ALS2: variants seen among roughly 807,000 people sequenced by gnomAD.
The protein encoded by ALS2 is alsin Rho guanine nucleotide exchange factor ALS2.
A neutral mutation model predicts 203.4 loss-of-function variants in ALS2; 117 were observed. The ratio of observed to expected loss-of-function variants is 0.58; its 90% CI spans 0.50 to 0.67. ALS2 has a LOEUF of 0.67. ALS2 is among the 30% of genes least tolerant of loss of function. The pLI is 0.00. For missense variants in ALS2, 1,715 were observed against 1,989.4 expected (o/e 0.86, Z 2.62); for synonymous variants, 718 against 725.9 (o/e 0.99, Z 0.17).
chr2:201,768,642 G>C (rs1310452259), intron 2 of ALS2, among the ~76,000 whole-genome samples: 1 of 152,148 alleles, frequency 6.6e-6, no homozygotes, highest in East Asian at 1.9e-4. Flanking sequence ...ATGGCTACAA[G>C]CACTTTAAAA....
At chr2:201,727,865 T>C (rs985276420) in intron 15 of ALS2, 90 bp from the exon 16 acceptor site, 5 of 1,235,346 alleles carry the variant, frequency 4.0e-6, no homozygotes. Context: ...TTAACCCACA[T>C]GGGCCTTGCA....
At chr2:201,760,297 C>T in intron 4 of ALS2, 1 of 965,722 alleles carries the variant, frequency 1.0e-6, no homozygotes, top group Non-Finnish European at 1.2e-6. Context: ...GGTGACAGAG[C>T]AAGACCCCAT....
At chr2:201,767,103 T>C in intron 3 of ALS2, 126 bp downstream of exon 3, 2 of 1,113,690 alleles carry the variant, frequency 1.8e-6, no homozygotes, top group Non-Finnish European at 2.5e-6. Context: ...AATAATAAAA[T>C]TTAAAAAAAA....
intron 6 of ALS2, among the ~76,000 whole-genome samples, chr2:201,754,281 A>G (rs749219486): frequency 6.6e-6 from 1 of 152,138 alleles, no homozygotes; most frequent in Admixed American, 6.6e-5. Context: ...CCAAAGCACT[A>G]GGATTAAAGG....
At chr2:201,731,006 G>T (rs1574717518) in intron 13 of ALS2, among the ~76,000 whole-genome samples, 1 of 152,174 alleles carries the variant, frequency 6.6e-6, no homozygotes, top group African/African-American at 2.4e-5. Context: ...AATAGTCTTT[G>T]GAAGCCCCAG....
intron 23 of ALS2, chr2:201,719,945 G>T (rs532718142): frequency 5.6e-5 from 14 of 250,084 alleles, no homozygotes; most frequent in Non-Finnish European, 1.0e-4. Flanking sequence ...TAGACCTAAG[G>T]CAAGTAAAGA....
chr2:201,729,879 CAAAAAAAAAAAAA>C (rs35065446), intron 13 of ALS2, among the ~76,000 whole-genome samples: 1 of 75,218 alleles, frequency 1.3e-5, no homozygotes, highest in Non-Finnish European at 2.4e-5. Context: ...GACTCCGTCT[CAAAAAAAAAAAAA>C]AAAAAAAAAA....
intron 12 of ALS2, among the ~76,000 whole-genome samples, chr2:201,735,003 T>TA (rs1161537532): frequency 2.0e-5 from 3 of 152,188 alleles, no homozygotes; most frequent in African/African-American, 4.8e-5. Context: ...AATGTGTACA[T>TA]ACAAGAGAAT....
rs770366778 is a variant in ALS2, at chr2:201,705,178, G to A, written c.4649C>T (p.Ala1550Val). 1.2e-6 allele frequency: 2 copies of A among 1,614,126 alleles called. No homozygotes were observed. The highest frequency in any genetic ancestry group is 1.7e-5 in the Admixed American group (1 of 60,022). Residue 1550 changes from alanine (A) to valine (V), a missense_variant, in exon 31 of 34, where the codon GCT (alanine) becomes GTT (valine). Ala to Val is a moderately conservative substitution (Grantham distance 64). Around this residue, in one of 3 missense-constraint regions of ALS2, gnomAD observed 1,227 missense variants for 1,413.5 expected, o/e 0.87. Coordinates refer to ENST00000264276, the MANE Select transcript of ALS2 (RefSeq NM_020919.4). Reference protein sequence around the residue: ...SKKVLPTTKDACFASAVECLQ... With the variant: ...SKKVLPTTKDVCFASAVECLQ... ...ACATTCTACTGCTGAGGCAAAACAA[G>A]CATCTTTCGTGGTTGGCAAAACCTG...
At position 201,724,404 on chromosome 2, in the gene ALS2, G is replaced by C; in HGVS notation, c.3403C>G (p.His1135Asp). The C allele has an allele frequency of 6.2e-7, 1 of 1,613,918 alleles. No individual in the cohort carries two copies. Among genetic ancestry groups the C allele is most frequent in the Non-Finnish European group, 8.5e-7 (1 of 1,179,864 alleles). Residue 1135 changes from histidine (H) to aspartate (D), a missense_variant, in exon 21 of 34, where the codon CAT becomes GAT. By Grantham distance (81) the His-to-Asp change is moderately conservative. This residue lies in a region of ALS2 where 1,227 missense variants were observed against 1,413.5 expected (regional missense o/e 0.87). Coordinates refer to ENST00000264276, the MANE Select transcript of ALS2 (RefSeq NM_020919.4). ...AATTTCCCACTTCGTAGAAGACCAT[G>C]ACCATGACGCATATTATCTTGAAAA... ...GCFQDNMRHG[H>D]GLLRSGKLTS...
At chr2:201,770,474 A>G (rs560919420) in intron 1 of ALS2, among the ~76,000 whole-genome samples, 74 of 152,014 alleles carry the variant, frequency 4.9e-4, no homozygotes, top group African/African-American at 1.7e-3. Context: ...CCTAAATGGA[A>G]TTAAAACTCT....
At chr2:201,705,948 CA>C (rs36043130) in intron 29 of ALS2, among the ~76,000 whole-genome samples, 12 of 143,796 alleles carry the variant, frequency 8.3e-5, no homozygotes, top group Admixed American at 6.9e-5. Flanking sequence ...GACTCCGTCT[CA>C]AAAAAAAAAA....
At chr2:201,775,296 T>C (rs1694605592) in intron 1 of ALS2, among the ~76,000 whole-genome samples, 1 of 152,120 alleles carries the variant, frequency 6.6e-6, no homozygotes, top group South Asian at 2.1e-4. Context: ...TGTAGTAGAG[T>C]GACAAGTGAT....
chr2:201,741,803 C>A lies in ALS2; in HGVS notation c.2222G>T (p.Arg741Leu). 6.2e-7 allele frequency: 1 copy of A among 1,614,118 alleles called. No individual in the cohort carries two copies. The highest frequency in any genetic ancestry group is 1.1e-5 in the South Asian group (1 of 91,066). ...TVQLLQEVAS[R>L]FSKLCYLIGQ... ...AATGAGGTAACACAGCTTGCTGAAT[C>A]GGCTAGCCACCTCCTGCAACAGCTG... The change falls in exon 11 of 34, where the codon CGA (arginine) becomes CTA (leucine). Residue 741 changes from arginine to leucine, a missense_variant. Coordinates refer to ENST00000264276, the MANE Select transcript of ALS2 (RefSeq NM_020919.4).
chr2:201,775,338 G>C lies in ALS2; in HGVS notation c.-61+5539C>G, dbSNP rs559581480. On this transcript the variant is annotated intron_variant, in intron 1 of 33. Transcript: ENST00000264276. ...ACAAAATTACCATCAATTTCCTATA[G>C]TCATTAACACCTCCTTTTTAAAGTC... Among the ~76,000 whole-genome samples, 3 of 152,204 alleles carry C rather than the reference G, an allele frequency of 2.0e-5. No homozygotes were observed. The South Asian group carries it at 6.2e-4, about 32-fold the overall frequency.
chr2:201,777,366 C>A (rs1292461632), intron 1 of ALS2, among the ~76,000 whole-genome samples: 1 of 152,036 alleles, frequency 6.6e-6, no homozygotes, highest in Non-Finnish European at 1.5e-5. Context: ...GCTGCACTGG[C>A]ACATTCCTTT....
At chr2:201,720,539 C>CTA (rs1690711546) in intron 23 of ALS2, among the ~76,000 whole-genome samples, 1 of 66,524 alleles carries the variant, frequency 1.5e-5, no homozygotes, top group Non-Finnish European at 2.8e-5. Flanking sequence ...TCTGTCTCTA[C>CTA]AAAAAAAAAA....
In ALS2 at chr2:201,774,880, T is replaced by G. The variant is rs149510077; in HGVS notation, c.-60-5935A>C. On this transcript the variant is annotated intron_variant, in intron 1 of 33. Coordinates refer to ENST00000264276, the MANE Select transcript of ALS2 (RefSeq NM_020919.4). ...ATATAACAGGTACTCAATAAACATC[T>G]GTAAATACATGACTTCCTGCCCTTA... Among the ~76,000 whole-genome samples the G allele has an allele frequency of 4.9e-4, 75 of 152,316 alleles. 1 individual carries two copies. The East Asian group carries it at 0.012, about 25-fold the overall frequency.
intron 1 of ALS2, among the ~76,000 whole-genome samples, chr2:201,772,850 A>ATTTTTTTTTTTTT (rs578253808): frequency 1.8e-5 from 2 of 108,846 alleles, no homozygotes; most frequent in Admixed American, 1.1e-4. Flanking sequence ...TGCTTTCATG[A>ATTTTTTTTTTTTT]TTTTTTTTTT....
Sources: gnomAD v4.1 joint callset for allele counts (sites outside exome capture counted in the v4.1 genomes callset) on GRCh38, gnomAD v4.1.1 for gene constraint, gnomAD v4.1.1 regional missense constraint, MANE v1.5 for transcripts, NCBI Gene and HGNC (gene_info 2026-07-23, HGNC 2026-07-21) for gene names.